CEP128: variants seen among roughly 807,000 people sequenced by gnomAD.
The protein encoded by CEP128 is centrosomal protein 128, also known as centrosomal protein 128kDa.
A neutral mutation model predicts 156.7 loss-of-function variants in CEP128; 132 were observed. The observed-to-expected ratio is 0.84, with a 90% CI of 0.73 to 0.97. The LOEUF is 0.97. Ranked by LOEUF, CEP128 falls within the 50% of genes least tolerant of loss-of-function variation. The pLI is 0.00. For synonymous variants in CEP128, 469 were observed against 448.9 expected, an observed-to-expected ratio of 1.04 and a Z score of -0.57; for missense variants, 1,252 against 1,281.9, an observed-to-expected ratio of 0.98 and a Z score of 0.36.
chr14:80,654,195 T>C (rs1179509822), intron 19 of CEP128, among the ~76,000 whole-genome samples: 1 of 152,084 alleles, frequency 6.6e-6, no homozygotes, highest in African/African-American at 2.4e-5. Flanking sequence ...AACCAGAAAG[T>C]GTCATATTAT....
intron 20 of CEP128, among the ~76,000 whole-genome samples, chr14:80,579,525 T>G (rs1026407565): frequency 1.3e-5 from 2 of 152,198 alleles, no homozygotes; most frequent in Non-Finnish European, 2.9e-5. Flanking sequence ...ACACTTCTCT[T>G]GCTCTTTGGA....
At chr14:80,907,395 C>T (rs932233401) in intron 4 of CEP128, among the ~76,000 whole-genome samples, 3 of 152,056 alleles carry the variant, frequency 2.0e-5, no homozygotes, top group Admixed American at 2.0e-4. Context: ...GGCGGTTGCT[C>T]GCGCCTGTAA....
intron 19 of CEP128, among the ~76,000 whole-genome samples, chr14:80,588,880 A>G (rs1891930085): frequency 6.6e-6 from 1 of 152,124 alleles, no homozygotes; most frequent in African/African-American, 2.4e-5. Context: ...AATGGCTTCA[A>G]TCCTCTTTGT....
intron 24 of CEP128, among the ~76,000 whole-genome samples, chr14:80,499,357 G>A (rs1000019663): frequency 2.6e-5 from 4 of 152,168 alleles, no homozygotes; most frequent in African/African-American, 4.8e-5. Flanking sequence ...CACAAAGTGA[G>A]AATACTAACT....
At chr14:80,767,023 T>G (rs327466) in intron 16 of CEP128, among the ~76,000 whole-genome samples, 2,039 of 152,232 alleles carry the variant, frequency 0.013, 53 homozygotes, top group African/African-American at 0.047. Context: ...TCCAGGACAC[T>G]AGCATTACAA....
chr14:80,768,136 A>G (rs1289277058), intron 16 of CEP128, among the ~76,000 whole-genome samples: 2 of 152,190 alleles, frequency 1.3e-5, no homozygotes, highest in African/African-American at 2.4e-5. Flanking sequence ...TATAAACAAG[A>G]AAAAAATTTT....
At chr14:80,773,550 C>G (rs1900628664) in intron 16 of CEP128, among the ~76,000 whole-genome samples, 1 of 152,098 alleles carries the variant, frequency 6.6e-6, no homozygotes, top group Non-Finnish European at 1.5e-5. Flanking sequence ...ACAAAGACAG[C>G]TGATGTCATT....
chr14:80,495,265 C>A (rs78752788), downstream of CEP128, among the ~76,000 whole-genome samples: 4,112 of 152,242 alleles, frequency 0.027, 80 homozygotes, highest in Middle Eastern at 0.092. Flanking sequence ...TTAAAATGCA[C>A]AAATCAAGCT....
At chr14:80,515,878 T>C (rs1888463827) in intron 23 of CEP128, among the ~76,000 whole-genome samples, 1 of 152,134 alleles carries the variant, frequency 6.6e-6, no homozygotes, top group African/African-American at 2.4e-5. Flanking sequence ...CTTACGTTTT[T>C]TCTTTCTGAG....
At chr14:80,520,005 C>T (rs1888662752) in intron 23 of CEP128, among the ~76,000 whole-genome samples, 1 of 152,210 alleles carries the variant, frequency 6.6e-6, no homozygotes, top group Non-Finnish European at 1.5e-5. Context: ...TAAGTCCTCT[C>T]AGCACTAACA....
Position 80,660,070 on chromosome 14 carries a change from G to T in CEP128, c.2807-79647C>A, listed in dbSNP as rs182230857. Among the ~76,000 whole-genome samples, 4 of 152,276 alleles carry T rather than the reference G, an allele frequency of 2.6e-5. No individual in the cohort carries two copies. In the East Asian group the frequency reaches 7.7e-4, roughly 29 times the overall value. On this transcript the variant is annotated intron_variant, in intron 19 of 24. Transcript: ENST00000555265. ...TGGTAAATGCTTACAAATGGATAGGGAGGTCTTCTGTGTACGCAAAGGTAT... is the reference window on the plus strand; with the variant it reads ...TGGTAAATGCTTACAAATGGATAGGTAGGTCTTCTGTGTACGCAAAGGTAT...
At chr14:80,766,320 A>G (rs370583088) in intron 16 of CEP128, among the ~76,000 whole-genome samples, 24 of 152,348 alleles carry the variant, frequency 1.6e-4, no homozygotes, top group African/African-American at 5.0e-4. Flanking sequence ...AAAACTGCTG[A>G]CAATCTCATG....
At chr14:80,664,945 G>C (rs753935704) in intron 19 of CEP128, among the ~76,000 whole-genome samples, 35 of 152,104 alleles carry the variant, frequency 2.3e-4, no homozygotes, top group Non-Finnish European at 4.0e-4. Flanking sequence ...GTAGATTTTA[G>C]GTCACTTTAG....
intron 8 of CEP128, among the ~76,000 whole-genome samples, chr14:80,879,011 A>G (rs991904791): frequency 3.9e-5 from 6 of 152,110 alleles, no homozygotes; most frequent in African/African-American, 1.4e-4. Context: ...TGCTCTAATA[A>G]CCTACACAGT....
chr14:80,928,110 G>A (rs1209242635), intron 2 of CEP128, among the ~76,000 whole-genome samples: 1 of 152,082 alleles, frequency 6.6e-6, no homozygotes, highest in East Asian at 1.9e-4. Context: ...TGGGGCAGCG[G>A]GGAGAAGAAA....
At chr14:80,779,931 T>C (rs1901013651) in intron 15 of CEP128, among the ~76,000 whole-genome samples, 1 of 152,160 alleles carries the variant, frequency 6.6e-6, no homozygotes, top group Admixed American at 6.5e-5. Flanking sequence ...CAAGATCAAA[T>C]GGTCAGCAAA....
At chr14:80,713,939 T>A (rs1241867456) in intron 19 of CEP128, among the ~76,000 whole-genome samples, 2 of 152,218 alleles carry the variant, frequency 1.3e-5, no homozygotes, top group East Asian at 3.8e-4. Context: ...CATCCAATGC[T>A]GCAGTTTCCT....
intron 19 of CEP128, among the ~76,000 whole-genome samples, chr14:80,732,210 A>G (rs1280311576): frequency 6.6e-6 from 1 of 152,216 alleles, no homozygotes; most frequent in South Asian, 2.1e-4. Flanking sequence ...GGAAACAGCA[A>G]TAAGTGGCAA....
chr14:80,554,194 G>T (rs1890333656), intron 21 of CEP128, among the ~76,000 whole-genome samples: 1 of 152,104 alleles, frequency 6.6e-6, no homozygotes, highest in Admixed American at 6.6e-5. Context: ...AAACCAACTT[G>T]TTTAACTTAA....
Sources: allele counts gnomAD v4.1 joint callset (sites outside exome capture counted in the v4.1 genomes callset), GRCh38; gene constraint gnomAD v4.1.1; transcripts MANE v1.5; gene names NCBI Gene and HGNC (gene_info 2026-07-23, HGNC 2026-07-21).